CDK14: variants seen among roughly 807,000 people sequenced by gnomAD.
CDK14 encodes cyclin-dependent kinase 14.
Under a neutral mutation model 60.7 loss-of-function variants are expected in CDK14, and 34 were observed. That is an observed-to-expected ratio of 0.56 (90% CI 0.43 to 0.75). The LOEUF (loss-of-function observed/expected upper bound fraction) is 0.75, where lower values mean the gene tolerates loss of function less well. CDK14 is among the 30% of genes least tolerant of loss of function. The pLI, the probability that CDK14 is intolerant of heterozygous loss-of-function variation, is 0.00. For synonymous variants in CDK14, 197 were observed against 203.7 expected, an observed-to-expected ratio of 0.97 and a Z score of 0.28; for missense variants, 482 against 564.1, an observed-to-expected ratio of 0.85 and a Z score of 1.47.
chr7:91,081,520 G>A (rs1216363328), intron 12 of CDK14, among the ~76,000 whole-genome samples: 1 of 152,108 alleles, frequency 6.6e-6, no homozygotes. Flanking sequence ...TAAAAAAGTA[G>A]GTCACTGTTC....
chr7:90,987,855 A>G (rs188385902), intron 10 of CDK14, among the ~76,000 whole-genome samples: 3 of 152,298 alleles, frequency 2.0e-5, no homozygotes, highest in African/African-American at 4.8e-5. Context: ...TGGCAATTGT[A>G]TATCTGGCCT....
chr7:90,801,007 C>T lies in CDK14; in HGVS notation c.544+10355C>T, dbSNP rs760637189. On this transcript the variant is annotated intron_variant, in intron 5 of 14. Coordinates refer to ENST00000380050, the MANE Select transcript of CDK14 (RefSeq NM_001287135.2). ...CATCAGTCATTGGATTTAGAGCCCA[C>T]GCTAATCCAGCATGGCTTCATCTTA... Among the ~76,000 whole-genome samples the T allele has an allele frequency of 1.4e-3, 216 of 152,328 alleles. 1 individual carries two copies. The highest frequency in any genetic ancestry group is 4.8e-3 in the African/African-American group (198 of 41,572).
chr7:90,934,047 GT>G (rs1327087902), intron 8 of CDK14, among the ~76,000 whole-genome samples: 1 of 152,248 alleles, frequency 6.6e-6, no homozygotes, highest in Non-Finnish European at 1.5e-5. Flanking sequence ...AGGCAGACTT[GT>G]TTCCATCCAG....
At chr7:91,162,310 C>T (rs1040991594) in intron 14 of CDK14, among the ~76,000 whole-genome samples, 1 of 152,138 alleles carries the variant, frequency 6.6e-6, no homozygotes, top group African/African-American at 2.4e-5. Flanking sequence ...TTGTGTTTCT[C>T]TGCTATGTTT....
At chr7:90,838,534 G>A (rs920975791) in intron 5 of CDK14, among the ~76,000 whole-genome samples, 1 of 152,136 alleles carries the variant, frequency 6.6e-6, no homozygotes, top group African/African-American at 2.4e-5. Flanking sequence ...AAATAGATGT[G>A]TGAGTAGGAG....
chr7:90,817,930 C>T (rs1293759160), intron 5 of CDK14, among the ~76,000 whole-genome samples: 4 of 152,122 alleles, frequency 2.6e-5, no homozygotes, highest in African/African-American at 4.8e-5. Flanking sequence ...CACCATCTAC[C>T]CTTTCTAACC....
At chr7:90,639,887 A>G (rs1038337700) in intron 2 of CDK14, among the ~76,000 whole-genome samples, 3 of 152,084 alleles carry the variant, frequency 2.0e-5, no homozygotes, top group East Asian at 1.9e-4. Context: ...TGTGCTAGCA[A>G]TCGGCGAGAC....
intron 11 of CDK14, among the ~76,000 whole-genome samples, chr7:91,070,110 GACTA>G (rs886416618): frequency 3.9e-5 from 6 of 152,246 alleles, no homozygotes; most frequent in South Asian, 2.1e-4. Flanking sequence ...GTATTGTGTT[GACTA>G]ACTGTTTTAT....
At chr7:90,955,137 G>GT (rs1029589413) in intron 8 of CDK14, among the ~76,000 whole-genome samples, 1 of 151,982 alleles carries the variant, frequency 6.6e-6, no homozygotes, top group Non-Finnish European at 1.5e-5. Context: ...TTATTTAGAT[G>GT]TTTTTTCAAA....
chr7:90,860,718 T>A (rs1041748760), intron 5 of CDK14, among the ~76,000 whole-genome samples: 2 of 151,144 alleles, frequency 1.3e-5, no homozygotes, highest in African/African-American at 4.8e-5. Flanking sequence ...AGAGGCGGGG[T>A]TTCACCATGT....
chr7:90,922,431 TTCTC>T (rs1257907238), intron 8 of CDK14, among the ~76,000 whole-genome samples: 2 of 152,154 alleles, frequency 1.3e-5, no homozygotes, highest in African/African-American at 2.4e-5. Flanking sequence ...GGTTTTTTTT[TTCTC>T]TCTAATTTCT....
intron 5 of CDK14, among the ~76,000 whole-genome samples, chr7:90,800,508 G>T (rs1788598964): frequency 6.7e-6 from 1 of 150,106 alleles, no homozygotes; most frequent in Non-Finnish European, 1.5e-5. Flanking sequence ...GTGTTTGACT[G>T]ATACTTGATT....
chr7:90,801,116 A>T (rs1347601690), intron 5 of CDK14, among the ~76,000 whole-genome samples: 1 of 152,196 alleles, frequency 6.6e-6, no homozygotes, highest in Non-Finnish European at 1.5e-5. Flanking sequence ...TTTCTGAGAG[A>T]CACTATTCAA....
chr7:90,618,501 C>A (rs987180593), intron 2 of CDK14, among the ~76,000 whole-genome samples: 8 of 152,154 alleles, frequency 5.3e-5, no homozygotes, highest in African/African-American at 1.9e-4. Flanking sequence ...GCCCTCAAGC[C>A]TTTCATGACC....
intron 7 of CDK14, among the ~76,000 whole-genome samples, chr7:90,912,299 A>G (rs1451465396): frequency 2.6e-5 from 4 of 152,226 alleles, no homozygotes; most frequent in African/African-American, 9.6e-5. Flanking sequence ...TGGCAAAGAC[A>G]GAAATTCAAG....
intron 14 of CDK14, among the ~76,000 whole-genome samples, chr7:91,192,605 G>T (rs1001762363): frequency 6.6e-6 from 1 of 152,106 alleles, no homozygotes. Flanking sequence ...GAAAATCAAA[G>T]TTCAGGGTCA....
chr7:91,046,040 A>G, intron 11 of CDK14, 80 bp downstream of exon 11: 1 of 907,648 alleles, frequency 1.1e-6, no homozygotes, highest in Non-Finnish European at 1.8e-6. Flanking sequence ...CTCAAGCAAT[A>G]TACCACCTTG....
chr7:90,624,364 A>T (rs1444919702), intron 2 of CDK14, among the ~76,000 whole-genome samples: 2 of 152,266 alleles, frequency 1.3e-5, no homozygotes, highest in Non-Finnish European at 2.9e-5. Context: ...AACATTAATG[A>T]CAAATAATGA....
chr7:91,036,033 C>CG (rs1167825887), intron 10 of CDK14, among the ~76,000 whole-genome samples: 1 of 152,004 alleles, frequency 6.6e-6, no homozygotes, highest in East Asian at 1.9e-4. Context: ...TTAGTAGAGA[C>CG]GGGGTTTCAC....
Sources: allele counts gnomAD v4.1 joint callset (sites outside exome capture counted in the v4.1 genomes callset), GRCh38; gene constraint gnomAD v4.1.1; transcripts MANE v1.5; gene names NCBI Gene and HGNC (gene_info 2026-07-23, HGNC 2026-07-21).